ANLN: variants seen among roughly 807,000 people sequenced by gnomAD.
ANLN encodes the protein anillin, actin binding protein.
Under a neutral mutation model 135.1 loss-of-function variants are expected in ANLN, and 59 were observed. The ratio of observed to expected loss-of-function variants is 0.44; its 90% CI spans 0.35 to 0.54. ANLN has a LOEUF of 0.54. Ranked by LOEUF, ANLN falls within the 20% of genes least tolerant of loss-of-function variation. The pLI, the probability that ANLN is intolerant of heterozygous loss-of-function variation, is 0.00. For synonymous variants in ANLN, 406 were observed against 456.4 expected (o/e 0.89, Z 1.41); for missense variants, 1,182 against 1,340.0 (o/e 0.88, Z 1.84).
At chr7:36,427,373 T>TG in intron 20 of ANLN, among the ~76,000 whole-genome samples, 1 of 150,150 alleles carries the variant, frequency 6.7e-6, no homozygotes, top group East Asian at 2.0e-4. Context: ...TTTTTTTTGT[T>TG]TTTTTGTTTT....
chr7:36,404,740 G>A (rs116717684), intron 3 of ANLN, among the ~76,000 whole-genome samples: 76 of 152,188 alleles, frequency 5.0e-4, no homozygotes, highest in African/African-American at 1.8e-3. Flanking sequence ...GCAAATAAAG[G>A]CTACTTGAAC....
intron 21 of ANLN, among the ~76,000 whole-genome samples, chr7:36,442,360 G>A (rs1788808617): frequency 6.6e-6 from 1 of 152,176 alleles, no homozygotes; most frequent in Non-Finnish European, 1.5e-5. Flanking sequence ...TCAGAGGGCA[G>A]CACAGCAGCC....
intron 11 of ANLN, 65 bp downstream of exon 11, chr7:36,420,379 T>C: frequency 6.5e-7 from 1 of 1,547,388 alleles, no homozygotes; most frequent in South Asian, 1.2e-5. Context: ...ATAAGTCGTG[T>C]TATAATTTGT....
intron 22 of ANLN, among the ~76,000 whole-genome samples, chr7:36,446,865 C>A (rs988111123): frequency 6.6e-6 from 1 of 152,150 alleles, no homozygotes. Context: ...GGTTCTGTTT[C>A]CTTTGGTCTG....
At chr7:36,422,403 A>G (rs1166623994) in intron 13 of ANLN, among the ~76,000 whole-genome samples, 1 of 152,160 alleles carries the variant, frequency 6.6e-6, no homozygotes, top group Non-Finnish European at 1.5e-5. Flanking sequence ...GGGTGGACAG[A>G]TGATACCACA....
At chr7:36,452,346 C>A in intron 23 of ANLN, 131 bp from the exon 24 acceptor site, 1 of 1,106,478 alleles carries the variant, frequency 9.0e-7, no homozygotes. Context: ...TGTGGATTAG[C>A]ATCCATAAAA....
chr7:36,409,245 G>C (rs987973319), intron 5 of ANLN, among the ~76,000 whole-genome samples: 5 of 152,206 alleles, frequency 3.3e-5, no homozygotes, highest in African/African-American at 1.2e-4. Context: ...ATTTATTTTA[G>C]ATACTTCATT....
chr7:36,426,844 G>A (rs1788099066), intron 19 of ANLN, 72 bp from the exon 20 acceptor site: 1 of 806,148 alleles, frequency 1.2e-6, no homozygotes, highest in African/African-American at 1.8e-5. Flanking sequence ...CTACTGGGAT[G>A]GGGTGAGGAA....
chr7:36,420,478 T>C (rs1244489128), intron 11 of ANLN, 119 bp from the exon 12 acceptor site: 22 of 1,258,528 alleles, frequency 1.7e-5, no homozygotes, highest in South Asian at 1.4e-5. Context: ...TTCCATTCTG[T>C]TGTGAAATGT....
At chr7:36,414,853 G>T (rs1787575649) in intron 7 of ANLN, among the ~76,000 whole-genome samples, 1 of 152,206 alleles carries the variant, frequency 6.6e-6, no homozygotes, top group Non-Finnish European at 1.5e-5. Context: ...GGCTCTGCCA[G>T]TCACTAACTG....
chr7:36,396,742 G>GT (rs1474373015), intron 2 of ANLN, among the ~76,000 whole-genome samples: 1 of 152,188 alleles, frequency 6.6e-6, no homozygotes, highest in Non-Finnish European at 1.5e-5. Context: ...GTAGTGTGTA[G>GT]TTTTTTTATC....
At chr7:36,446,307 A>AT (rs977703634) in intron 22 of ANLN, among the ~76,000 whole-genome samples, 35 of 150,246 alleles carry the variant, frequency 2.3e-4, no homozygotes, top group Middle Eastern at 3.4e-3. Context: ...CCTAGAATTG[A>AT]TTTTTTTTTT....
intron 23 of ANLN, among the ~76,000 whole-genome samples, chr7:36,452,204 A>G (rs1789272671): frequency 6.6e-6 from 1 of 152,216 alleles, no homozygotes; most frequent in Non-Finnish European, 1.5e-5. Flanking sequence ...CCCAGGCCGC[A>G]CACTACCTGT....
chr7:36,421,655 GAAT>G (rs1175994427), intron 12 of ANLN, among the ~76,000 whole-genome samples, 199 bp from the exon 13 acceptor site: 1 of 152,116 alleles, frequency 6.6e-6, no homozygotes, highest in Non-Finnish European at 1.5e-5. Flanking sequence ...TTTTCATAAG[GAAT>G]AATATTTATA....
rs375680045 is a variant in ANLN, at chr7:36,402,681, G to A, written c.487+3288G>A. Reference sequence around the variant, plus strand: ...TTTCTACTGCTTGCTTTAAACACCAGAATAGGATCTACTTATACACACACT... The same window carrying A: ...TTTCTACTGCTTGCTTTAAACACCAAAATAGGATCTACTTATACACACACT... On this transcript the variant is annotated intron_variant, in intron 3 of 23. Transcript: ENST00000265748. Among the ~76,000 whole-genome samples the A allele has an allele frequency of 6.2e-4, 94 of 152,122 alleles. 1 individual carries two copies. In the South Asian group the frequency reaches 0.019, roughly 31 times the overall value.
In ANLN at chr7:36,406,567, GT is replaced by G. The variant is rs780202546; in HGVS notation, c.873+2del. On this transcript the variant is annotated splice_donor_variant, in intron 4 of 23. Transcript: ENST00000265748. LOFTEE classifies it high-confidence loss of function. ...TAATGCCTCAATTTCCAGCTCTGTGGTAAGTCAGTATCATTTTGGTCTTTGG... is the reference window on the plus strand; with the variant it reads ...TAATGCCTCAATTTCCAGCTCTGTGGAAGTCAGTATCATTTTGGTCTTTGG... 2.8e-4 allele frequency: 411 copies of G among 1,494,134 alleles called. 1 individual carries two copies. Among genetic ancestry groups the G allele is most frequent in the Non-Finnish European group, 2.7e-4 (300 of 1,123,352 alleles). The allele number at this position is 1,494,134 out of a possible 1,614,324, so 92.6% of individuals were successfully genotyped here. A position where few individuals can be genotyped will look rare whatever the true frequency, so the allele number is the denominator to read the frequency against.
intron 23 of ANLN, among the ~76,000 whole-genome samples, chr7:36,450,767 G>A (rs1035612285): frequency 6.6e-6 from 1 of 152,168 alleles, no homozygotes; most frequent in African/African-American, 2.4e-5. Flanking sequence ...GTTTGATAGC[G>A]ACGTGTCCAT....
chr7:36,447,696 C>G (rs886500037), intron 22 of ANLN, among the ~76,000 whole-genome samples: 2 of 152,106 alleles, frequency 1.3e-5, no homozygotes, highest in East Asian at 1.9e-4. Flanking sequence ...GACTACTGAG[C>G]AGGTAGCAGG....
At chr7:36,427,064 T>A (rs1788109694) in intron 20 of ANLN, 36 bp downstream of exon 20, 1 of 1,398,568 alleles carries the variant, frequency 7.2e-7, no homozygotes, top group Non-Finnish European at 9.9e-7. Context: ...GTGGTGTTTT[T>A]TTTTTAATCT....
Sources: gnomAD v4.1 joint callset for allele counts (sites outside exome capture counted in the v4.1 genomes callset) on GRCh38, gnomAD v4.1.1 for gene constraint, MANE v1.5 for transcripts, NCBI Gene and HGNC (gene_info 2026-07-23, HGNC 2026-07-21) for gene names.